Variants in DUSP10 observed in about 807,000 individuals in gnomAD.
DUSP10 encodes dual specificity protein phosphatase 10.
A neutral mutation model predicts 30.8 loss-of-function variants in DUSP10; 14 were observed. That is an observed-to-expected ratio of 0.46 (90% CI 0.30 to 0.71). The LOEUF (loss-of-function observed/expected upper bound fraction) is 0.71. DUSP10 is among the 30% of genes least tolerant of loss of function. The probability of loss-of-function intolerance (pLI) is 0.08; values close to 1 mark genes in which losing one functional copy is unlikely to be tolerated. For synonymous variants in DUSP10, 254 were observed against 250.4 expected (o/e 1.01, Z -0.14); for missense variants, 550 against 619.4 (o/e 0.89, Z 1.19).
At chr1:221,733,990 T>C (rs1397541220) in intron 2 of DUSP10, among the ~76,000 whole-genome samples, 1 of 152,122 alleles carries the variant, frequency 6.6e-6, no homozygotes, top group Non-Finnish European at 1.5e-5. Context: ...CAGAAAGAAG[T>C]TTCAGGACTT....
Position 221,706,204 on chromosome 1 carries a change from A to T in DUSP10, c.1074T>A (p.Leu358=), listed in dbSNP as rs749421744. ...IGYVINVTTH[L]PLYHYEKGLF... ...GGCCTTTCTCATAGTGGTAGAGGGG[A>T]AGATGAGTGGTGACGTTGATGACGT... The change falls in exon 3 of 4, where the codon CTT becomes CTA. Residue 358 remains leucine (L), a synonymous_variant. Coordinates refer to ENST00000366899, the MANE Select transcript of DUSP10 (RefSeq NM_007207.6). This position sits in a 1 kb window ranked among gnomAD's most constrained non-coding sequence, Gnocchi z 4.6. The T allele has an allele frequency of 2.5e-6, 4 of 1,614,006 alleles. No homozygotes were observed. The highest frequency in any genetic ancestry group is 2.5e-6 in the Non-Finnish European group (3 of 1,179,996).
intron 2 of DUSP10, among the ~76,000 whole-genome samples, chr1:221,710,951 T>TG (rs377324230): frequency 2.7e-5 from 4 of 150,346 alleles, no homozygotes; most frequent in Non-Finnish European, 4.4e-5. Context: ...CAAGGCGGGG[T>TG]GGGGGGGCAG....
rs957329265 is a variant in DUSP10 at position 221,734,162 on chromosome 1, A to C, written c.811+4772T>G. On this transcript the variant is annotated intron_variant, in intron 2 of 3. Transcript: ENST00000366899. ...TCCAAAAATAAATCCTCCTGATGAGATGATGAGAGGCAACAAAAAGCAAAG... is the reference window on the plus strand; with the variant it reads ...TCCAAAAATAAATCCTCCTGATGAGCTGATGAGAGGCAACAAAAAGCAAAG... 4.6e-5 allele frequency among the ~76,000 whole-genome samples: 7 copies of C among 152,356 alleles called. No homozygotes were observed. In the South Asian group the frequency reaches 8.3e-4, roughly 18 times the overall value.
chr1:221,713,824 T>C (rs887832804), intron 2 of DUSP10, among the ~76,000 whole-genome samples: 12 of 152,212 alleles, frequency 7.9e-5, no homozygotes, highest in African/African-American at 2.4e-4. Flanking sequence ...ACTGCTGATA[T>C]GTTAGATACC....
chr1:221,702,566 G>C lies in DUSP10; in HGVS notation c.1295C>G (p.Thr432Ser), dbSNP rs1422261499. ...YLMKHTRMTMTDAYKFVKGKR... is the reference protein window; with the variant it reads ...YLMKHTRMTMSDAYKFVKGKR... ...GCCTTTGACAAATTTATAAGCATCA[G>C]TCATGGTCATCCGAGTGTGCTTCAT... Residue 432 changes from threonine to serine, a missense_variant, in exon 4 of 4, where the codon ACT (threonine) becomes AGT (serine). Physicochemically the swap from Thr to Ser is moderately conservative, Grantham distance 58. Coordinates refer to ENST00000366899, the MANE Select transcript of DUSP10 (RefSeq NM_007207.6). This position sits in a 1 kb window ranked among gnomAD's most constrained non-coding sequence, Gnocchi z 4.5. The C allele has an allele frequency of 6.2e-7, 1 of 1,614,040 alleles. No homozygotes were observed. The highest frequency in any genetic ancestry group is 1.3e-5 in the African/African-American group (1 of 74,906).
intron 2 of DUSP10, among the ~76,000 whole-genome samples, chr1:221,715,138 C>A (rs1661058523): frequency 6.6e-6 from 1 of 152,098 alleles, no homozygotes; most frequent in Non-Finnish European, 1.5e-5. Context: ...TTTGATAAAA[C>A]CTTTGCCATG....
intron 2 of DUSP10, among the ~76,000 whole-genome samples, chr1:221,717,772 G>A (rs1206843621): frequency 6.6e-6 from 1 of 152,104 alleles, no homozygotes; most frequent in African/African-American, 2.4e-5. Context: ...ACAGCTGTCT[G>A]CAAGCCAAGA....
chr1:221,709,540 G>A (rs1285268116), intron 2 of DUSP10, among the ~76,000 whole-genome samples: 1 of 151,888 alleles, frequency 6.6e-6, no homozygotes, highest in Admixed American at 6.6e-5. Flanking sequence ...CTCCTTGAGG[G>A]GTCTGAAGAA....
rs148528965 is a variant in DUSP10 at position 221,732,503 on chromosome 1, A to T, written c.811+6431T>A. ...CTCAAAATTCAAGAAAAAAGGCATCAGTACTCAAAAAATCTTATATTTTAT... is the reference window on the plus strand; with the variant it reads ...CTCAAAATTCAAGAAAAAAGGCATCTGTACTCAAAAAATCTTATATTTTAT... On this transcript the variant is annotated intron_variant, in intron 2 of 3. Transcript: ENST00000366899. 2.2e-3 allele frequency among the ~76,000 whole-genome samples: 338 copies of T among 152,380 alleles called. 1 individual carries two copies. The highest frequency in any genetic ancestry group is 7.4e-3 in the African/African-American group (308 of 41,594).
At chr1:221,735,279 C>T (rs1661731843) in intron 2 of DUSP10, among the ~76,000 whole-genome samples, 4 of 152,156 alleles carry the variant, frequency 2.6e-5, no homozygotes, top group Admixed American at 2.6e-4. Flanking sequence ...TGGGCTCTGA[C>T]ATACCAGGGA....
In DUSP10 at chr1:221,739,594, C is replaced by G. The variant is rs1158656464; in HGVS notation, c.151G>C (p.Val51Leu). The change falls in exon 2 of 4, where the codon GTG (valine) becomes CTG (leucine). Residue 51 changes from valine (V) to leucine (L), a missense_variant. Val to Leu is a conservative substitution (Grantham distance 32). Transcript: ENST00000366899. ...SHPPVIATTV[V>L]SLKAANLTYM... ...GTCAGATTCGCAGCCTTGAGGGACACAACGGTGGTGGCGATGACAGGAGGG... is the reference window on the plus strand; with the variant it reads ...GTCAGATTCGCAGCCTTGAGGGACAGAACGGTGGTGGCGATGACAGGAGGG... 6.2e-7 allele frequency: 1 copy of G among 1,614,138 alleles called. No homozygotes were observed. Among genetic ancestry groups the G allele is most frequent in the Admixed American group, 1.7e-5 (1 of 60,016 alleles).
intron 2 of DUSP10, among the ~76,000 whole-genome samples, chr1:221,728,492 C>T (rs1661488776): frequency 6.6e-6 from 1 of 152,104 alleles, no homozygotes; most frequent in African/African-American, 2.4e-5. Context: ...TATTTGTAGG[C>T]TTAGACTGTA....
intron 2 of DUSP10, among the ~76,000 whole-genome samples, chr1:221,723,974 G>A (rs1301062715): frequency 2.0e-5 from 3 of 152,192 alleles, no homozygotes; most frequent in Non-Finnish European, 4.4e-5. Flanking sequence ...TCTTTCTGAT[G>A]ATAAACTCTT....
rs1274791038 is a variant in DUSP10, at chr1:221,702,785, T to C, written c.1184-108A>G. 3 of 1,172,240 alleles carry C rather than the reference T, an allele frequency of 2.6e-6. No individual in the cohort carries two copies. The highest frequency in any genetic ancestry group is 5.1e-5 in the Admixed American group (2 of 39,178). The allele number at this position is 1,172,240 out of a possible 1,614,324, so 72.6% of individuals were successfully genotyped here. A position where few individuals can be genotyped will look rare whatever the true frequency, so the allele number is the denominator to read the frequency against. ...AATGCCTTATTTTGTATAGAAATAA[T>C]GAATTAAAACAGTTTTAAAGCCAAG... On this transcript the variant is annotated intron_variant, in intron 3 of 3. Transcript: ENST00000366899. This position sits in a 1 kb window ranked among gnomAD's most constrained non-coding sequence, Gnocchi z 4.5.
chr1:221,721,908 C>T (rs182228740), intron 2 of DUSP10, among the ~76,000 whole-genome samples: 19 of 152,154 alleles, frequency 1.2e-4, no homozygotes, highest in Non-Finnish European at 2.2e-4. Context: ...CTAGGTGGGC[C>T]CTCTCAAGAG....
At chr1:221,738,869 A>G (rs888767969) in intron 2 of DUSP10, 65 bp downstream of exon 2, 2 of 1,526,988 alleles carry the variant, frequency 1.3e-6, no homozygotes, top group Non-Finnish European at 1.8e-6. Context: ...CTGTCACTCT[A>G]CGAGAAAACC....
intron 2 of DUSP10, among the ~76,000 whole-genome samples, chr1:221,728,228 T>C (rs1174509735): frequency 6.6e-6 from 1 of 152,204 alleles, no homozygotes; most frequent in African/African-American, 2.4e-5. Flanking sequence ...CTTTGTAAAT[T>C]ACTCAATCTC....
Position 221,706,076 on chromosome 1 carries a change from C to T in DUSP10, c.1183+19G>A, listed in dbSNP as rs768891324. The T allele has an allele frequency of 3.1e-5, 49 of 1,605,922 alleles. No individual in the cohort carries two copies. The Admixed American group carries it at 8.1e-4, about 27-fold the overall frequency. On this transcript the variant is annotated intron_variant, in intron 3 of 3. Coordinates refer to ENST00000366899, the MANE Select transcript of DUSP10 (RefSeq NM_007207.6). The surrounding 1 kb of genome is among the most constrained non-coding windows in gnomAD (Gnocchi z 4.6). ...AAAAGGAAGGCAGCGGATGAAAATT[C>T]CCTATGGGAGATAGTTACCAATGAA...
Position 221,702,798 on chromosome 1 carries a change from T to G in DUSP10, c.1184-121A>C. 9.3e-7 allele frequency: 1 copy of G among 1,071,324 alleles called. No individual in the cohort carries two copies. The highest frequency in any genetic ancestry group is 2.7e-5 in the Admixed American group (1 of 37,378). 66.4% of individuals were successfully genotyped at this position (1,071,324 alleles called of 1,614,324 possible). A position where few individuals can be genotyped will look rare whatever the true frequency, so the allele number is the denominator to read the frequency against. On this transcript the variant is annotated intron_variant, in intron 3 of 3. Transcript: ENST00000366899. The surrounding 1 kb of genome is among the most constrained non-coding windows in gnomAD (Gnocchi z 4.5). The stretch of plus-strand genomic sequence containing the variant: ...GTATAGAAATAATGAATTAAAACAG[T>G]TTTAAAGCCAAGTATAATCCACTAG...
Sources: allele counts gnomAD v4.1 joint callset (sites outside exome capture counted in the v4.1 genomes callset), GRCh38; gene constraint gnomAD v4.1.1; non-coding constraint Gnocchi (gnomAD v3.1); transcripts MANE v1.5; gene names NCBI Gene and HGNC (gene_info 2026-07-23, HGNC 2026-07-21).